PRR14L: variants seen among roughly 807,000 people sequenced by gnomAD.
PRR14L encodes the protein proline rich 14 like.
Under a neutral mutation model 155.0 loss-of-function variants are expected in PRR14L, and 80 were observed. The observed-to-expected ratio is 0.52, with a 90% CI of 0.43 to 0.62. PRR14L has a LOEUF of 0.62. PRR14L is among the 20% of genes least tolerant of loss of function. PRR14L has a pLI of 0.00. For missense variants in PRR14L, 2,469 were observed against 2,548.0 expected (o/e 0.97, Z 0.67); for synonymous variants, 883 against 916.0 (o/e 0.96, Z 0.65).
At position 31,714,821 on chromosome 22, in the gene PRR14L, C is replaced by T. The variant is rs115943730; in HGVS notation, c.3018G>A (p.Gly1006=). 6.3e-4 allele frequency: 980 copies of T among 1,552,134 alleles called. 9 individuals carry two copies. The African/African-American group carries it at 0.013, about 20-fold the overall frequency. The change falls in exon 4 of 9, where the codon GGG becomes GGA. Residue 1006 remains glycine, a synonymous_variant. Transcript: ENST00000327423. ...DQRETVTEPH[G]EVNHNQKDLL... Reference sequence around the variant, plus strand: ...GATCCTTTTGGTTGTGGTTTACCTCCCCGTGAGGCTCGGTGACAGTCTCTC... The same window carrying T: ...GATCCTTTTGGTTGTGGTTTACCTCTCCGTGAGGCTCGGTGACAGTCTCTC...
chr22:31,715,849 C>A lies in PRR14L; in HGVS notation c.1990G>T (p.Ala664Ser). ...QQVSLNSQEHANLPTDSLLHL... is the reference protein window; with the variant it reads ...QQVSLNSQEHSNLPTDSLLHL... Reference sequence around the variant, plus strand: ...AGTAGAGAGTCAGTTGGCAAATTTGCATGTTCTTGAGAATTAAGGGACACT... The same window carrying A: ...AGTAGAGAGTCAGTTGGCAAATTTGAATGTTCTTGAGAATTAAGGGACACT... The change falls in exon 4 of 9, where the codon GCA (alanine) becomes TCA (serine). Residue 664 changes from alanine to serine, a missense_variant. Coordinates refer to ENST00000327423, the MANE Select transcript of PRR14L (RefSeq NM_173566.3). The A allele has an allele frequency of 6.4e-7, 1 of 1,551,538 alleles. No homozygotes were observed. Among genetic ancestry groups the A allele is most frequent in the Non-Finnish European group, 8.7e-7 (1 of 1,146,872 alleles).
intron 4 of PRR14L, among the ~76,000 whole-genome samples, chr22:31,711,432 C>T (rs1201875705): frequency 6.6e-6 from 1 of 152,064 alleles, no homozygotes; most frequent in Non-Finnish European, 1.5e-5. Flanking sequence ...GATTGCGCCA[C>T]TGCATTCCAG....
chr22:31,695,202 A>G (rs1000187180), intron 7 of PRR14L, among the ~76,000 whole-genome samples: 1 of 152,238 alleles, frequency 6.6e-6, no homozygotes, highest in African/African-American at 2.4e-5. Context: ...CTATATGCCA[A>G]TGATGAAATT....
At chr22:31,690,697 A>G (rs1377506322) in intron 7 of PRR14L, among the ~76,000 whole-genome samples, 1 of 150,412 alleles carries the variant, frequency 6.6e-6, no homozygotes, top group Non-Finnish European at 1.5e-5. Flanking sequence ...GCTGGAGTGC[A>G]GTGGCGTGAT....
At position 31,734,097 on chromosome 22, in the gene PRR14L, C is replaced by T. The variant is rs745404983; in HGVS notation, c.474+4290G>A. On this transcript the variant is annotated intron_variant, in intron 2 of 8. Coordinates refer to ENST00000327423, the MANE Select transcript of PRR14L (RefSeq NM_173566.3). ...AAGCAATTCTCCTGCCTCATCCTCC[C>T]GAATAGCTGGGACTAAAGGCATGCA... 1.6e-4 allele frequency among the ~76,000 whole-genome samples: 24 copies of T among 152,234 alleles called. No individual in the cohort carries two copies. In the South Asian group the frequency reaches 3.3e-3, roughly 21 times the overall value.
intron 4 of PRR14L, among the ~76,000 whole-genome samples, chr22:31,711,747 G>A (rs1191701214): frequency 1.6e-5 from 2 of 125,670 alleles, no homozygotes; most frequent in Non-Finnish European, 3.1e-5. Context: ...TTGCACCACT[G>A]CACTCCAGCC....
At chr22:31,744,195 C>T (rs1315555887) in intron 1 of PRR14L, among the ~76,000 whole-genome samples, 1 of 149,504 alleles carries the variant, frequency 6.7e-6, no homozygotes, top group African/African-American at 2.5e-5. Flanking sequence ...TGCAACAGTG[C>T]GATCTTAGCT....
In PRR14L at chr22:31,712,952, G is replaced by A; in HGVS notation, c.4887C>T (p.Ala1629=). 1 of 1,551,802 alleles carries A rather than the reference G, an allele frequency of 6.4e-7. No individual in the cohort carries two copies. Among genetic ancestry groups the A allele is most frequent in the Non-Finnish European group, 8.7e-7 (1 of 1,147,036 alleles). Residue 1629 remains alanine, a synonymous_variant, in exon 4 of 9, where the codon GCC becomes GCT. Coordinates refer to ENST00000327423, the MANE Select transcript of PRR14L (RefSeq NM_173566.3). ...LSILASKLAP[A]MKTQKLRYRR... is the part of the protein sequence containing the mutation. ...GGTATCTTAGCTTCTGAGTCTTCAT[G>A]GCTGGGGCCAGTTTGGAGGCAAGGA...
chr22:31,688,357 C>A, intron 7 of PRR14L, 130 bp from the exon 8 acceptor site: 1 of 1,208,082 alleles, frequency 8.3e-7, no homozygotes. Flanking sequence ...TAAACTCTAG[C>A]CATCCTCCAG....
At position 31,719,982 on chromosome 22, in the gene PRR14L, C is replaced by T. The variant is rs190731419; in HGVS notation, c.548-2691G>A. 8.2e-4 allele frequency among the ~76,000 whole-genome samples: 125 copies of T among 152,208 alleles called. 1 individual carries two copies. The highest frequency in any genetic ancestry group is 2.7e-3 in the African/African-American group (113 of 41,524). Reference sequence around the variant, plus strand: ...AACACCTGAGCTCAAGCAATCCTCCCGCCTCAGCCTCTCAAAGTGCTGGGA... The same window carrying T: ...AACACCTGAGCTCAAGCAATCCTCCTGCCTCAGCCTCTCAAAGTGCTGGGA... On this transcript the variant is annotated intron_variant, in intron 3 of 8. Coordinates refer to ENST00000327423, the MANE Select transcript of PRR14L (RefSeq NM_173566.3).
intron 4 of PRR14L, among the ~76,000 whole-genome samples, chr22:31,706,937 T>C (rs1403858904): frequency 1.3e-5 from 2 of 151,906 alleles, no homozygotes; most frequent in East Asian, 3.9e-4. Flanking sequence ...TAATCCCAGC[T>C]ATTCAGGAGG....
chr22:31,735,642 G>GA (rs11443259), intron 2 of PRR14L, among the ~76,000 whole-genome samples: 3,272 of 130,362 alleles, frequency 0.025, 100 homozygotes, highest in African/African-American at 0.061. Context: ...CCCTAAATTG[G>GA]AAAAAAAAAA....
rs1024709033 is a variant in PRR14L, at chr22:31,745,409, T to G, written c.-52+4584A>C. On this transcript the variant is annotated intron_variant, in intron 1 of 8. Coordinates refer to ENST00000327423, the MANE Select transcript of PRR14L (RefSeq NM_173566.3). ...AAAAAATAAAAAATAAAAATAAACT[T>G]ATTTTCAGCTCAGTAGCTCACACCA... Among the ~76,000 whole-genome samples, 5 of 151,936 alleles carry G rather than the reference T, an allele frequency of 3.3e-5. No individual in the cohort carries two copies. In the East Asian group the frequency reaches 9.6e-4, roughly 29 times the overall value.
chr22:31,711,702 T>C (rs1031497990), intron 4 of PRR14L, among the ~76,000 whole-genome samples: 2 of 142,696 alleles, frequency 1.4e-5, no homozygotes, highest in Non-Finnish European at 3.0e-5. Flanking sequence ...GAGAATCGCT[T>C]GAACCCGGGA....
At position 31,714,177 on chromosome 22, in the gene PRR14L, GACTC is replaced by G; in HGVS notation, c.3658_3661del (p.Glu1220ArgfsTer12). ...AGAGCTTTCATCATGGCAAGACATC[GACTC>G]TTTTGAGGAAATTCCAAAGGTACTT... On this transcript the variant is annotated frameshift_variant, in exon 4 of 9. Coordinates refer to ENST00000327423, the MANE Select transcript of PRR14L (RefSeq NM_173566.3). LOFTEE classifies it high-confidence loss of function. 6.4e-7 allele frequency: 1 copy of G among 1,551,306 alleles called. No homozygotes were observed. The highest frequency in any genetic ancestry group is 8.7e-7 in the Non-Finnish European group (1 of 1,146,876).
intron 2 of PRR14L, among the ~76,000 whole-genome samples, chr22:31,735,118 TGGGA>T (rs1339899550): frequency 2.0e-5 from 3 of 152,060 alleles, no homozygotes; most frequent in Admixed American, 6.6e-5. Flanking sequence ...CTGGTGGAGC[TGGGA>T]GGGAGAAAAG....
At position 31,713,694 on chromosome 22, in the gene PRR14L, AT is replaced by A; in HGVS notation, c.4144del (p.Ile1382TyrfsTer44). ...CTGCTGTTTTTCAGCATGATTAAGT[AT>A]CCCCCGGCATTTAAAATGGGTCTGA... is the stretch of plus-strand genomic sequence containing the variant. The part of the protein sequence containing the change: ...ISQTHFKCRG[I>X]LNHAEKQQSP... On this transcript the variant is annotated frameshift_variant, in exon 4 of 9. Transcript: ENST00000327423. LOFTEE classifies it high-confidence loss of function. 1 of 1,552,204 alleles carries A rather than the reference AT, an allele frequency of 6.4e-7. No homozygotes were observed. Among genetic ancestry groups the A allele is most frequent in the Non-Finnish European group, 8.7e-7 (1 of 1,147,104 alleles).
chr22:31,711,952 G>T (rs1046633709), intron 4 of PRR14L, 131 bp downstream of exon 4: 2 of 828,040 alleles, frequency 2.4e-6, no homozygotes, highest in South Asian at 1.9e-5. Flanking sequence ...CAGAGATTTC[G>T]CAAGGTAAAT....
Position 31,712,412 on chromosome 22 carries a change from G to T in PRR14L, c.5427C>A (p.Val1809=). 1 of 1,581,568 alleles carries T rather than the reference G, an allele frequency of 6.3e-7. No homozygotes were observed. The highest frequency in any genetic ancestry group is 1.1e-5 in the South Asian group (1 of 87,812). The stretch of plus-strand genomic sequence containing the variant: ...GGACAGAGCAGTCTGCTCTGGTCTG[G>T]ACTATGGCAGTGCCTCCATAGTCTT... ...PLQDYGGTAI[V]QTRADCSVLG... The change falls in exon 4 of 9, where the codon GTC becomes GTA. Residue 1809 remains valine, a synonymous_variant. Coordinates refer to ENST00000327423, the MANE Select transcript of PRR14L (RefSeq NM_173566.3).
Sources: allele counts gnomAD v4.1 joint callset (sites outside exome capture counted in the v4.1 genomes callset), GRCh38; gene constraint gnomAD v4.1.1; transcripts MANE v1.5; gene names NCBI Gene and HGNC (gene_info 2026-07-23, HGNC 2026-07-21).